CIB2: variants seen among roughly 807,000 people sequenced by gnomAD.
CIB2 encodes calcium and integrin binding family member 2, also known as calcium and integrin-binding family member 2.
CIB2 carries 19 observed loss-of-function variants against 23.1 expected under a neutral mutation model. The ratio of observed to expected loss-of-function variants is 0.82; its 90% CI spans 0.57 to 1.21. CIB2 has a LOEUF of 1.21. CIB2 is among the 50% of genes most tolerant of loss of function. The pLI is 0.00. For synonymous variants in CIB2, 94 were observed against 91.7 expected (o/e 1.03, Z -0.14); for missense variants, 220 against 241.5 (o/e 0.91, Z 0.59).
intron 1 of CIB2, among the ~76,000 whole-genome samples, chr15:78,129,237 G>A (rs1394420218): frequency 6.6e-6 from 1 of 152,094 alleles, no homozygotes; most frequent in African/African-American, 2.4e-5. Flanking sequence ...TGGCTGGAGA[G>A]CCAGAGGGTA....
intron 1 of CIB2, among the ~76,000 whole-genome samples, chr15:78,126,145 C>CA (rs372455153): frequency 2.1e-5 from 3 of 144,448 alleles, no homozygotes; most frequent in African/African-American, 8.2e-5. Flanking sequence ...CCCCTGCCCC[C>CA]CCCCCTTTTT....
intron 1 of CIB2, among the ~76,000 whole-genome samples, chr15:78,124,671 C>T (rs2141915029): frequency 6.6e-6 from 1 of 152,302 alleles, no homozygotes; most frequent in Non-Finnish European, 1.5e-5. Flanking sequence ...AGCTCCTCCG[C>T]CTTTGTCCAC....
At position 78,131,067 on chromosome 15, in the gene CIB2, G is replaced by A; in HGVS notation, c.51+98C>T. On this transcript the variant is annotated intron_variant, in intron 1 of 5. Transcript: ENST00000258930. The surrounding 1 kb of genome is among the most constrained non-coding windows in gnomAD (Gnocchi z 5.8). ...AGGCAGAGGCAGGGTTTGAACCTGGGAGAGCTGGCTCTCGGGAGGCCTCGG... is the reference window on the plus strand; with the variant it reads ...AGGCAGAGGCAGGGTTTGAACCTGGAAGAGCTGGCTCTCGGGAGGCCTCGG... The A allele has an allele frequency of 9.0e-7, 1 of 1,108,800 alleles. No homozygotes were observed. The highest frequency in any genetic ancestry group is 1.3e-6 in the Non-Finnish European group (1 of 787,154). The allele number at this position is 1,108,800 out of a possible 1,614,324, so 68.7% of individuals were successfully genotyped here.
Position 78,105,212 on chromosome 15 carries a change from G to C in CIB2, c.*99C>G. ...GGATATATTTGTGGTGTAAACCCCAGAGGCTGCCACTGCTTTCCTGGGGAG... is the reference window on the plus strand; with the variant it reads ...GGATATATTTGTGGTGTAAACCCCACAGGCTGCCACTGCTTTCCTGGGGAG... On this transcript the variant is annotated 3_prime_UTR_variant, in exon 6 of 6. Transcript: ENST00000258930. 6.6e-7 allele frequency: 1 copy of C among 1,521,000 alleles called. No individual in the cohort carries two copies. Among genetic ancestry groups the C allele is most frequent in the Non-Finnish European group, 9.1e-7 (1 of 1,104,828 alleles). The allele number at this position is 1,521,000 out of a possible 1,614,324, so 94.2% of individuals were successfully genotyped here.
At chr15:78,120,223 A>T (rs2074299575) in intron 2 of CIB2, among the ~76,000 whole-genome samples, 1 of 152,150 alleles carries the variant, frequency 6.6e-6, no homozygotes, top group Non-Finnish European at 1.5e-5. Flanking sequence ...CTTTTTGATA[A>T]ACACATACAA....
chr15:78,126,309 AT>A (rs1397575624), intron 1 of CIB2, among the ~76,000 whole-genome samples: 1 of 151,958 alleles, frequency 6.6e-6, no homozygotes, highest in Non-Finnish European at 1.5e-5. Context: ...TGCCTGGCTA[AT>A]TTTTGTATTC....
chr15:78,122,593 C>T (rs60790001), intron 2 of CIB2, among the ~76,000 whole-genome samples: 13,826 of 152,308 alleles, frequency 0.091, 1,188 homozygotes, highest in African/African-American at 0.22. Context: ...ACACTATACC[C>T]CAGTGTTGCT....
At chr15:78,123,764 ACAGT>A in intron 1 of CIB2, 25 bp from the exon 2 acceptor site, 2 of 1,613,776 alleles carry the variant, frequency 1.2e-6, no homozygotes, top group Non-Finnish European at 1.7e-6. Context: ...CACACAACAC[ACAGT>A]CAGTGTGCGG....
At chr15:78,121,147 C>A (rs1474974244) in intron 2 of CIB2, among the ~76,000 whole-genome samples, 2 of 152,184 alleles carry the variant, frequency 1.3e-5, no homozygotes, top group African/African-American at 4.8e-5. Context: ...GTCTTAACTA[C>A]CCTTCCCTGA....
Position 78,116,974 on chromosome 15 carries a change from C to A in CIB2, c.87-5698G>T, listed in dbSNP as rs566113484. 3.4e-4 allele frequency among the ~76,000 whole-genome samples: 50 copies of A among 146,540 alleles called. No individual in the cohort carries two copies. In the South Asian group the frequency reaches 0.01, roughly 30 times the overall value. On this transcript the variant is annotated intron_variant, in intron 2 of 5. Coordinates refer to ENST00000258930, the MANE Select transcript of CIB2 (RefSeq NM_006383.4). ...TTTAAAAGAACCAAAAAAAAAAACACAACTAAGTATAAAATTGGTATAAAA... is the reference window on the plus strand; with the variant it reads ...TTTAAAAGAACCAAAAAAAAAAACAAAACTAAGTATAAAATTGGTATAAAA...
In CIB2 at chr15:78,105,274, G is replaced by T; in HGVS notation, c.*37C>A. 6.2e-7 allele frequency: 1 copy of T among 1,613,500 alleles called. No homozygotes were observed. The highest frequency in any genetic ancestry group is 1.1e-5 in the South Asian group (1 of 90,950). On this transcript the variant is annotated 3_prime_UTR_variant, in exon 6 of 6. Coordinates refer to ENST00000258930, the MANE Select transcript of CIB2 (RefSeq NM_006383.4). ...CACCCATGTGACTGCAGGGCAGGAT[G>T]GTGGACTTCTAGGCCCCTACAGCCT...
Position 78,105,786 on chromosome 15 carries a change from G to C in CIB2, c.495C>G (p.Gly165=), listed in dbSNP as rs773827959. 6.2e-7 allele frequency: 1 copy of C among 1,614,188 alleles called. No homozygotes were observed. The highest frequency in any genetic ancestry group is 1.1e-5 in the South Asian group (1 of 91,088). The change falls in exon 5 of 6, where the codon GGC becomes GGG. Residue 165 remains glycine, a synonymous_variant. Coordinates refer to ENST00000258930, the MANE Select transcript of CIB2 (RefSeq NM_006383.4). ...CAATCATGTCCTCGAAGTCAGCAAAGCCCAGCTTGCCGTCACCGTCCAAGT... is the reference window on the plus strand; with the variant it reads ...CAATCATGTCCTCGAAGTCAGCAAACCCCAGCTTGCCGTCACCGTCCAAGT... ...EADLDGDGKL[G]FADFEDMIAK...
intron 2 of CIB2, among the ~76,000 whole-genome samples, chr15:78,116,381 C>T (rs1320325982): frequency 6.6e-6 from 1 of 151,468 alleles, no homozygotes; most frequent in African/African-American, 2.4e-5. Flanking sequence ...GTGGGAGGAC[C>T]ACTTGAGCCC....
chr15:78,109,480 C>T (rs558121922), intron 3 of CIB2, 98 bp from the exon 4 acceptor site: 29 of 1,364,228 alleles, frequency 2.1e-5, no homozygotes, highest in East Asian at 1.8e-4. Flanking sequence ...GGAGGAGTGA[C>T]CAAATCCCTC....
chr15:78,126,960 G>A (rs1317166770), intron 1 of CIB2, among the ~76,000 whole-genome samples: 1 of 152,166 alleles, frequency 6.6e-6, no homozygotes, highest in Admixed American at 6.5e-5. Context: ...AAAAGGTTTG[G>A]TAGTCAGGGT....
At chr15:78,125,429 C>CCTCCCCTCTTCTCTCTCCT (rs1789438736) in intron 1 of CIB2, among the ~76,000 whole-genome samples, 13 of 152,202 alleles carry the variant, frequency 8.5e-5, no homozygotes, top group Admixed American at 7.9e-4. Flanking sequence ...TCCTCCTTCC[C>CCTCCCCTCTTCTCTCTCCT]CTCCCCTCTT....
At chr15:78,123,172 A>G (rs759023233) in intron 2 of CIB2, among the ~76,000 whole-genome samples, 1 of 152,186 alleles carries the variant, frequency 6.6e-6, no homozygotes, top group Non-Finnish European at 1.5e-5. Context: ...TGAATAGCTC[A>G]GGGGTGGTGG....
chr15:78,119,719 C>T (rs1295169735), intron 2 of CIB2, among the ~76,000 whole-genome samples: 1 of 151,900 alleles, frequency 6.6e-6, no homozygotes, highest in African/African-American at 2.4e-5. Flanking sequence ...ACTACAGGAA[C>T]ACACCACCAT....
At chr15:78,119,665 C>A (rs1351280698) in intron 2 of CIB2, among the ~76,000 whole-genome samples, 1 of 151,916 alleles carries the variant, frequency 6.6e-6, no homozygotes, top group Non-Finnish European at 1.5e-5. Flanking sequence ...CTCCTGGGTC[C>A]CGGTTCAAGC....
Sources: allele counts gnomAD v4.1 joint callset (sites outside exome capture counted in the v4.1 genomes callset), GRCh38; gene constraint gnomAD v4.1.1; non-coding constraint Gnocchi (gnomAD v3.1); transcripts MANE v1.5; gene names NCBI Gene and HGNC (gene_info 2026-07-23, HGNC 2026-07-21).